Variants in DNAJC3 observed in about 807,000 individuals in gnomAD.
The protein encoded by DNAJC3 is dnaJ homolog subfamily C member 3.
A neutral mutation model predicts 68.6 loss-of-function variants in DNAJC3; 38 were observed. The ratio of observed to expected loss-of-function variants is 0.55; its 90% CI spans 0.43 to 0.73. The LOEUF (loss-of-function observed/expected upper bound fraction) is 0.73, where lower values mean the gene tolerates loss of function less well. DNAJC3 is among the 30% of genes least tolerant of loss of function. DNAJC3 has a pLI of 0.00. For missense variants in DNAJC3, 526 were observed against 591.9 expected (o/e 0.89, Z 1.16); for synonymous variants, 203 against 204.0 (o/e 1.00, Z 0.04).
chr13:95,713,346 A>T (rs569212732), intron 2 of DNAJC3, among the ~76,000 whole-genome samples: 2 of 152,310 alleles, frequency 1.3e-5, no homozygotes, highest in East Asian at 3.9e-4. Context: ...CTAGATAACA[A>T]ATTCAACATA....
chr13:95,786,019 T>C lies in DNAJC3; in HGVS notation c.1156T>C (p.Leu386=). Residue 386 remains leucine (L), a synonymous_variant, in exon 10 of 12, where the codon TTA becomes CTA. Transcript: ENST00000602402. ...IREGLEKAQR[L]LKQSQKRDYY... The stretch of plus-strand genomic sequence containing the variant: ...AGAAGGTCTAGAGAAAGCACAAAGA[T>C]TATTGAAACAGTCGCAGAAACGAGA... The C allele has an allele frequency of 6.2e-7, 1 of 1,611,410 alleles. No individual in the cohort carries two copies. Among genetic ancestry groups the C allele is most frequent in the East Asian group, 2.2e-5 (1 of 44,686 alleles).
intron 9 of DNAJC3, among the ~76,000 whole-genome samples, chr13:95,785,469 T>TTTTTG (rs1883571743): frequency 1.4e-5 from 2 of 142,114 alleles, no homozygotes; most frequent in Admixed American, 1.4e-4. Context: ...TTTTTTTTTT[T>TTTTTG]TTTTTTTGAG....
intron 1 of DNAJC3, among the ~76,000 whole-genome samples, chr13:95,700,770 T>C (rs1433107270): frequency 2.6e-5 from 4 of 152,100 alleles, no homozygotes; most frequent in Non-Finnish European, 2.9e-5. Context: ...ATGTGTGTCT[T>C]TTTTCTCTCT....
intron 5 of DNAJC3, among the ~76,000 whole-genome samples, chr13:95,759,032 T>C (rs913606352): frequency 6.6e-6 from 1 of 152,204 alleles, no homozygotes; most frequent in African/African-American, 2.4e-5. Context: ...ATGTATAATG[T>C]TGGTTTTGAT....
At chr13:95,727,894 C>T (rs972681643) in intron 4 of DNAJC3, among the ~76,000 whole-genome samples, 3 of 152,190 alleles carry the variant, frequency 2.0e-5, no homozygotes, top group African/African-American at 7.2e-5. Context: ...ATACCAATTT[C>T]CATCCCACCC....
chr13:95,751,899 C>T (rs1882491704), intron 4 of DNAJC3, among the ~76,000 whole-genome samples: 1 of 152,046 alleles, frequency 6.6e-6, no homozygotes, highest in African/African-American at 2.4e-5. Context: ...GGTGAACTGC[C>T]CTTTATAAAA....
intron 9 of DNAJC3, among the ~76,000 whole-genome samples, chr13:95,764,827 G>GT (rs1882947216): frequency 6.8e-6 from 1 of 147,506 alleles, no homozygotes; most frequent in African/African-American, 2.5e-5. Flanking sequence ...AATGATACAG[G>GT]TTTTTAAAAA....
At chr13:95,779,425 A>G (rs2139691672) in intron 9 of DNAJC3, among the ~76,000 whole-genome samples, 1 of 152,282 alleles carries the variant, frequency 6.6e-6, no homozygotes, top group Non-Finnish European at 1.5e-5. Context: ...CGCCCGGCCT[A>G]ATATTTTCAA....
intron 9 of DNAJC3, among the ~76,000 whole-genome samples, chr13:95,764,673 T>TAC (rs1882928000): frequency 4.1e-5 from 5 of 122,778 alleles, no homozygotes; most frequent in East Asian, 2.3e-4. Flanking sequence ...TATATATATA[T>TAC]ATATATATAT....
chr13:95,783,473 T>G (rs1171875239), intron 9 of DNAJC3, among the ~76,000 whole-genome samples: 1 of 152,256 alleles, frequency 6.6e-6, no homozygotes, highest in Non-Finnish European at 1.5e-5. Context: ...GTTTCCTTAC[T>G]AAGCTATGTG....
In DNAJC3 at chr13:95,777,393, T is replaced by A. The variant is rs185324355; in HGVS notation, c.1076-8546T>A. 5.6e-4 allele frequency among the ~76,000 whole-genome samples: 86 copies of A among 152,320 alleles called. 2 individuals carry two copies. In the Middle Eastern group the frequency reaches 0.01, roughly 18 times the overall value. On this transcript the variant is annotated intron_variant, in intron 9 of 11. Coordinates refer to ENST00000602402, the MANE Select transcript of DNAJC3 (RefSeq NM_006260.5). ...ACCCAGTGCACCTTTTCAGTCTAGA[T>A]CCATCTTTCACTTCAGGAACATTTT...
intron 4 of DNAJC3, among the ~76,000 whole-genome samples, chr13:95,737,049 A>C (rs1318853311): frequency 2.0e-5 from 3 of 151,728 alleles, no homozygotes; most frequent in East Asian, 3.9e-4. Flanking sequence ...GAATTTTGTC[A>C]AAGGCTTTTT....
rs193050338 is a variant in DNAJC3, at chr13:95,748,945, A to C, written c.394-8699A>C. The stretch of plus-strand genomic sequence containing the variant: ...ATTTTGGTTATAATTTAAAGATAGC[A>C]CTTTATGCTATGATTCAGATAACTG... On this transcript the variant is annotated intron_variant, in intron 4 of 11. Coordinates refer to ENST00000602402, the MANE Select transcript of DNAJC3 (RefSeq NM_006260.5). Among the ~76,000 whole-genome samples, 70 of 152,324 alleles carry C rather than the reference A, an allele frequency of 4.6e-4. No homozygotes were observed. In the East Asian group the frequency reaches 0.013, roughly 28 times the overall value.
At chr13:95,760,830 A>C in intron 7 of DNAJC3, 32 bp downstream of exon 7, 1 of 1,601,970 alleles carries the variant, frequency 6.2e-7, no homozygotes, top group Non-Finnish European at 8.5e-7. Context: ...CTGTCCAGCC[A>C]TTCCTTATGT....
intron 9 of DNAJC3, among the ~76,000 whole-genome samples, chr13:95,776,909 G>A (rs142009887): frequency 2.6e-5 from 4 of 152,108 alleles, no homozygotes; most frequent in Non-Finnish European, 5.9e-5. Flanking sequence ...CCCATGTTTC[G>A]TCAGCTGTAT....
intron 1 of DNAJC3, among the ~76,000 whole-genome samples, chr13:95,687,165 T>C (rs1880094198): frequency 6.6e-6 from 1 of 152,158 alleles, no homozygotes; most frequent in Admixed American, 6.5e-5. Context: ...CTTGATTTGG[T>C]TTTTGGCTTG....
chr13:95,783,501 ATT>A (rs1945828437), intron 9 of DNAJC3, among the ~76,000 whole-genome samples: 1 of 152,190 alleles, frequency 6.6e-6, no homozygotes, highest in Admixed American at 6.5e-5. Context: ...ATGGGTGTTC[ATT>A]GTAAAGTTAA....
Position 95,723,365 on chromosome 13 carries a change from C to T in DNAJC3, c.317C>T (p.Ala106Val). The change falls in exon 3 of 12, where the codon GCA becomes GTA. Residue 106 changes from alanine (A) to valine (V), a missense_variant and splice_region_variant. By Grantham distance (64) the Ala-to-Val change is moderately conservative. Transcript: ENST00000602402. Reference protein sequence around the residue: ...KVIQLKMDFTAARLQRGHLLL... With the variant: ...KVIQLKMDFTVARLQRGHLLL... ...ATTCAATTGAAGATGGACTTCACTG[C>T]AGTAAGTATATCTCAACTTTCTTTA... The T allele has an allele frequency of 6.2e-7, 1 of 1,607,018 alleles. No individual in the cohort carries two copies. Among genetic ancestry groups the T allele is most frequent in the Non-Finnish European group, 8.5e-7 (1 of 1,176,730 alleles).
intron 4 of DNAJC3, among the ~76,000 whole-genome samples, chr13:95,754,304 C>T (rs1882584385): frequency 6.6e-6 from 1 of 152,136 alleles, no homozygotes; most frequent in Admixed American, 6.5e-5. Flanking sequence ...CTCACACGGG[C>T]CTCTCACATG....
Sources: allele counts gnomAD v4.1 joint callset (sites outside exome capture counted in the v4.1 genomes callset), GRCh38; gene constraint gnomAD v4.1.1; transcripts MANE v1.5; gene names NCBI Gene and HGNC (gene_info 2026-07-23, HGNC 2026-07-21).